CDH18: variants seen among roughly 807,000 people sequenced by gnomAD.
CDH18 encodes the protein cadherin 18, also known as cadherin-18.
CDH18 carries 31 observed loss-of-function variants against 67.9 expected under a neutral mutation model. The observed-to-expected ratio is 0.46, with a 90% CI of 0.34 to 0.62. The LOEUF is 0.62. Ranked by LOEUF, CDH18 falls within the 20% of genes least tolerant of loss-of-function variation. CDH18 has a pLI of 0.01. For missense variants in CDH18, 890 were observed against 975.5 expected, an observed-to-expected ratio of 0.91 and a Z score of 1.17; for synonymous variants, 362 against 347.2, an observed-to-expected ratio of 1.04 and a Z score of -0.48.
At chr5:19,521,044 G>A (rs1167741113) in intron 9 of CDH18, among the ~76,000 whole-genome samples, 1 of 152,168 alleles carries the variant, frequency 6.6e-6, no homozygotes, top group Non-Finnish European at 1.5e-5. Context: ...ACTTGAGTGG[G>A]AGAAAGTTGT....
At chr5:20,061,296 TAA>T (rs753275916) in intron 2 of CDH18, among the ~76,000 whole-genome samples, 2 of 151,968 alleles carry the variant, frequency 1.3e-5, no homozygotes, top group Non-Finnish European at 2.9e-5. Flanking sequence ...ATAATGAAAA[TAA>T]ATACATATAA....
chr5:19,790,691 A>T (rs1368891474), intron 3 of CDH18, among the ~76,000 whole-genome samples: 1 of 152,134 alleles, frequency 6.6e-6, no homozygotes, highest in Non-Finnish European at 1.5e-5. Flanking sequence ...CTAGAATGAC[A>T]AGACCAGGTA....
chr5:20,025,435 T>G (rs1027152814), intron 2 of CDH18, among the ~76,000 whole-genome samples: 4 of 152,222 alleles, frequency 2.6e-5, no homozygotes, highest in African/African-American at 9.6e-5. Flanking sequence ...TCACAGTATT[T>G]CCAATAATTC....
intron 7 of CDH18, among the ~76,000 whole-genome samples, chr5:19,584,938 T>G (rs1743917259): frequency 6.6e-6 from 1 of 150,988 alleles, no homozygotes; most frequent in Admixed American, 6.6e-5. Context: ...GAGGCGGCAG[T>G]GAGTCAAGAT....
chr5:19,563,970 T>C (rs1471717431), intron 8 of CDH18, among the ~76,000 whole-genome samples: 1 of 152,134 alleles, frequency 6.6e-6, no homozygotes, highest in African/African-American at 2.4e-5. Context: ...TACTTCCTTG[T>C]TATGGCAGAA....
At chr5:20,266,435 A>T (rs1205047089) in intron 1 of CDH18, among the ~76,000 whole-genome samples, 2 of 152,088 alleles carry the variant, frequency 1.3e-5, no homozygotes, top group Admixed American at 1.3e-4. Context: ...ACAGGGTCTC[A>T]CTCCATCGCC....
At chr5:19,628,737 T>C (rs1359660515) in intron 5 of CDH18, among the ~76,000 whole-genome samples, 1 of 152,020 alleles carries the variant, frequency 6.6e-6, no homozygotes, top group Non-Finnish European at 1.5e-5. Context: ...CATACACTGG[T>C]TTTTAGAGGA....
chr5:19,735,396 ATTT>A (rs34913380), intron 4 of CDH18, among the ~76,000 whole-genome samples: 15 of 105,068 alleles, frequency 1.4e-4, no homozygotes, highest in African/African-American at 1.6e-4. Flanking sequence ...ATGATATTGG[ATTT>A]TTTTTTTTTT....
chr5:20,183,018 A>C (rs774350313), intron 2 of CDH18, among the ~76,000 whole-genome samples: 6 of 152,042 alleles, frequency 3.9e-5, no homozygotes, highest in Non-Finnish European at 5.9e-5. Context: ...TTCTTATATT[A>C]GTTCTCCCTC....
chr5:20,563,560 T>A lies in CDH18; in HGVS notation c.-580+11902A>T, dbSNP rs572390900. 5.9e-5 allele frequency among the ~76,000 whole-genome samples: 9 copies of A among 152,230 alleles called. 1 individual carries two copies. The South Asian group carries it at 8.3e-4, about 14-fold the overall frequency. On this transcript the variant is annotated intron_variant, in intron 1 of 14. Coordinates refer to the CDH18 transcript ENST00000507958. Reference sequence around the variant, plus strand: ...AAACTACTTAAATGTCAATTTTTTTTATTATACTTTAAGTTCTAGGGTACA... The same window carrying A: ...AAACTACTTAAATGTCAATTTTTTTAATTATACTTTAAGTTCTAGGGTACA...
intron 5 of CDH18, among the ~76,000 whole-genome samples, chr5:19,679,957 G>A (rs972199301): frequency 3.3e-5 from 5 of 151,752 alleles, no homozygotes; most frequent in African/African-American, 1.2e-4. Flanking sequence ...AATTCATATG[G>A]AGCCAAAAAA....
chr5:19,489,468 CA>C (rs1561180340), intron 11 of CDH18, among the ~76,000 whole-genome samples: 1 of 151,952 alleles, frequency 6.6e-6, no homozygotes, highest in Non-Finnish European at 1.5e-5. Context: ...AGGCTGGTCT[CA>C]AACTCCTGAC....
chr5:20,098,029 T>C (rs975500547), intron 2 of CDH18, among the ~76,000 whole-genome samples: 2 of 151,954 alleles, frequency 1.3e-5, no homozygotes, highest in African/African-American at 4.8e-5. Context: ...ATTGTATTTC[T>C]ATTTTATTTT....
intron 9 of CDH18, among the ~76,000 whole-genome samples, chr5:19,521,383 C>A (rs1383653771): frequency 6.6e-6 from 1 of 152,082 alleles, no homozygotes; most frequent in East Asian, 1.9e-4. Flanking sequence ...GTTTCAAAAA[C>A]ATCTTAAACT....
chr5:20,463,559 C>T lies in CDH18; in HGVS notation c.-580+111903G>A, dbSNP rs369060880. Among the ~76,000 whole-genome samples the T allele has an allele frequency of 3.8e-4, 58 of 152,204 alleles. 1 individual carries two copies. In the South Asian group the frequency reaches 0.012, roughly 31 times the overall value. The stretch of plus-strand genomic sequence containing the variant: ...CAGCAGGAGAAATGCCAGACACTTA[C>T]AAAACCATCAGATCTCGTGAGAACT... On this transcript the variant is annotated intron_variant, in intron 1 of 14. Coordinates refer to the CDH18 transcript ENST00000507958.
At chr5:19,610,511 G>A (rs1429616999) in intron 6 of CDH18, among the ~76,000 whole-genome samples, 1 of 151,948 alleles carries the variant, frequency 6.6e-6, no homozygotes, top group Non-Finnish European at 1.5e-5. Flanking sequence ...AAGAGAGAGT[G>A]GGAGATGCTA....
chr5:20,287,109 T>C (rs1746749793), intron 1 of CDH18, among the ~76,000 whole-genome samples: 1 of 151,850 alleles, frequency 6.6e-6, no homozygotes, highest in South Asian at 2.1e-4. Flanking sequence ...GTGCATGAAC[T>C]GTTATTCTAT....
intron 1 of CDH18, among the ~76,000 whole-genome samples, chr5:20,280,720 C>A (rs1290654239): frequency 1.3e-5 from 2 of 152,096 alleles, no homozygotes; most frequent in African/African-American, 2.4e-5. Context: ...TGGGTATATA[C>A]CCAGTAATGG....
intron 1 of CDH18, among the ~76,000 whole-genome samples, chr5:20,430,611 G>A (rs999355362): frequency 1.3e-5 from 2 of 151,938 alleles, no homozygotes; most frequent in Admixed American, 1.3e-4. Flanking sequence ...GAAGCAAAGT[G>A]GTATTTTCTT....
Sources: gnomAD v4.1 joint callset for allele counts (sites outside exome capture counted in the v4.1 genomes callset) on GRCh38, gnomAD v4.1.1 for gene constraint, MANE v1.5 for transcripts, NCBI Gene and HGNC (gene_info 2026-07-23, HGNC 2026-07-21) for gene names.